Variants in SLIT3 observed in about 807,000 individuals in gnomAD.
SLIT3 encodes the protein slit guidance ligand 3.
A neutral mutation model predicts 184.0 loss-of-function variants in SLIT3; 68 were observed. The ratio of observed to expected loss-of-function variants is 0.37; its 90% CI spans 0.30 to 0.45. SLIT3 has a LOEUF of 0.45. SLIT3 is among the 20% of genes least tolerant of loss of function. The pLI, the probability that SLIT3 is intolerant of heterozygous loss-of-function variation, is 1.00. For missense variants in SLIT3, 1,707 were observed against 2,026.0 expected (o/e 0.84, Z 3.02); for synonymous variants, 831 against 828.6 (o/e 1.00, Z -0.05).
chr5:169,011,559 T>C (rs1455121684), intron 4 of SLIT3, among the ~76,000 whole-genome samples: 2 of 152,116 alleles, frequency 1.3e-5, no homozygotes, highest in African/African-American at 2.4e-5. Context: ...CAGAGGTCCC[T>C]TGTAGACCCC....
chr5:168,748,207 G>T (rs568714317), intron 20 of SLIT3, 95 bp downstream of exon 20: 7 of 1,359,900 alleles, frequency 5.1e-6, no homozygotes, highest in Non-Finnish European at 6.7e-6. Flanking sequence ...CGGCAGTTTC[G>T]CCATGTTGCC....
At chr5:168,680,032 C>T (rs935467861) in intron 32 of SLIT3, among the ~76,000 whole-genome samples, 2 of 152,244 alleles carry the variant, frequency 1.3e-5, no homozygotes, top group Non-Finnish European at 2.9e-5. Context: ...AGATATCTCA[C>T]ATAGAAACCC....
intron 4 of SLIT3, among the ~76,000 whole-genome samples, chr5:169,072,087 G>A (rs1758571767): frequency 6.6e-6 from 1 of 152,122 alleles, no homozygotes; most frequent in South Asian, 2.1e-4. Flanking sequence ...AAACCAGTTA[G>A]GGGGAGAGGA....
intron 4 of SLIT3, among the ~76,000 whole-genome samples, chr5:168,902,801 G>A (rs1760916197): frequency 6.6e-6 from 1 of 152,202 alleles, no homozygotes; most frequent in Non-Finnish European, 1.5e-5. Context: ...TGAGGTGGCT[G>A]AGCACATGAC....
chr5:169,171,618 C>A, intron 4 of SLIT3, among the ~76,000 whole-genome samples: 1 of 152,212 alleles, frequency 6.6e-6, no homozygotes, highest in East Asian at 1.9e-4. Context: ...CAGATTAGAC[C>A]TCAGTCCTGA....
chr5:169,050,886 G>A (rs1428379670), intron 4 of SLIT3, among the ~76,000 whole-genome samples: 1 of 152,158 alleles, frequency 6.6e-6, no homozygotes, highest in Non-Finnish European at 1.5e-5. Flanking sequence ...GAATGAATTT[G>A]TTGGCACTAT....
rs140975551 is a variant in SLIT3 at position 169,235,794 on chromosome 5, G to C, written c.341+8911C>G. On this transcript the variant is annotated intron_variant, in intron 3 of 35. Coordinates refer to ENST00000519560, the MANE Select transcript of SLIT3 (RefSeq NM_003062.4). Reference sequence around the variant, plus strand: ...GTTTTTCACTTAAGACTGAGATGATGGGTTTCGGGGAGGAAGATCACAGAT... The same window carrying C: ...GTTTTTCACTTAAGACTGAGATGATCGGTTTCGGGGAGGAAGATCACAGAT... Among the ~76,000 whole-genome samples the C allele has an allele frequency of 7.4e-3, 1,129 of 152,286 alleles. 22 individuals carry two copies. Among genetic ancestry groups the C allele is most frequent in the African/African-American group, 0.026 (1,061 of 41,558 alleles).
intron 4 of SLIT3, among the ~76,000 whole-genome samples, chr5:169,089,865 G>A (rs375750728): frequency 6.6e-6 from 1 of 152,196 alleles, no homozygotes; most frequent in African/African-American, 2.4e-5. Context: ...GGCTGTGTGT[G>A]TGGCTGACCA....
intron 4 of SLIT3, among the ~76,000 whole-genome samples, chr5:169,101,685 C>A (rs1316315051): frequency 6.6e-6 from 1 of 152,148 alleles, no homozygotes; most frequent in Non-Finnish European, 1.5e-5. Context: ...GAAAAATGAT[C>A]CTTAATGATC....
At chr5:168,918,087 C>T (rs1294911461) in intron 4 of SLIT3, among the ~76,000 whole-genome samples, 1 of 151,424 alleles carries the variant, frequency 6.6e-6, no homozygotes, top group Non-Finnish European at 1.5e-5. Context: ...CTCCCTCTCC[C>T]TTTTTTTTTC....
chr5:168,868,430 A>G (rs59937048), intron 5 of SLIT3, among the ~76,000 whole-genome samples: 35,449 of 152,106 alleles, frequency 0.23, 4,294 homozygotes, highest in East Asian at 0.28. Flanking sequence ...AGCTGGAACT[A>G]TAGGTTCATT....
At chr5:168,714,128 TTCACGATAGCTTC>T (rs1371816309) in intron 23 of SLIT3, among the ~76,000 whole-genome samples, 1 of 152,210 alleles carries the variant, frequency 6.6e-6, no homozygotes, top group Non-Finnish European at 1.5e-5. Context: ...ATCTAGAGTG[TTCACGATAGCTTC>T]TCACCTCCCC....
intron 3 of SLIT3, among the ~76,000 whole-genome samples, chr5:169,199,099 G>A (rs1209716590): frequency 2.0e-5 from 3 of 152,026 alleles, no homozygotes; most frequent in Non-Finnish European, 4.4e-5. Context: ...ATCGGAAGCA[G>A]GAAAACCAGT....
intron 4 of SLIT3, among the ~76,000 whole-genome samples, chr5:169,043,643 T>C (rs747862892): frequency 2.6e-4 from 40 of 152,244 alleles, no homozygotes; most frequent in Non-Finnish European, 5.9e-4. Flanking sequence ...GATTATGCTC[T>C]GATTTTAATT....
At chr5:169,213,918 G>T (rs1450821082) in intron 3 of SLIT3, among the ~76,000 whole-genome samples, 2 of 152,226 alleles carry the variant, frequency 1.3e-5, no homozygotes, top group African/African-American at 4.8e-5. Context: ...GAAGGAGAAA[G>T]AGGTGTGGAA....
intron 12 of SLIT3, 74 bp downstream of exon 12, chr5:168,785,833 C>T: frequency 9.2e-7 from 1 of 1,088,698 alleles, no homozygotes; most frequent in South Asian, 1.3e-5. Context: ...CTCTCCAGAG[C>T]ATGGCTCAAC....
chr5:168,877,863 T>TA (rs5873130), intron 5 of SLIT3, among the ~76,000 whole-genome samples: 48,115 of 151,164 alleles, frequency 0.32, 8,084 homozygotes, highest in Non-Finnish European at 0.37. Context: ...AGGGGACATT[T>TA]AAAAAAAAAC....
rs1471208627 is a variant in SLIT3, at chr5:168,700,688, C to A, written c.2845-9G>T. On this transcript the variant is annotated splice_polypyrimidine_tract_variant and intron_variant, in intron 26 of 35. Transcript: ENST00000519560. Reference sequence around the variant, plus strand: ...ACAGTGCAGTCCTTGCCCTGAGGAGCAAAAGAGGGAGAAGCACCTGGTTAG... The same window carrying A: ...ACAGTGCAGTCCTTGCCCTGAGGAGAAAAAGAGGGAGAAGCACCTGGTTAG... The A allele has an allele frequency of 8.7e-6, 14 of 1,611,120 alleles. No homozygotes were observed. Among genetic ancestry groups the A allele is most frequent in the Non-Finnish European group, 1.1e-5 (13 of 1,177,688 alleles).
Position 168,883,256 on chromosome 5 carries a change from A to G in SLIT3, c.485+9T>C, listed in dbSNP as rs1442182032. The stretch of plus-strand genomic sequence containing the variant: ...ACATACGTAGTGAAGCAAGGAAAAC[A>G]TCACTTACAGGTTCTTCACATCGGT... On this transcript the variant is annotated intron_variant, in intron 5 of 35. Coordinates refer to ENST00000519560, the MANE Select transcript of SLIT3 (RefSeq NM_003062.4). The G allele has an allele frequency of 6.2e-7, 1 of 1,612,326 alleles. No individual in the cohort carries two copies. Among genetic ancestry groups the G allele is most frequent in the East Asian group, 2.2e-5 (1 of 44,868 alleles).
Sources: gnomAD v4.1 joint callset for allele counts (sites outside exome capture counted in the v4.1 genomes callset) on GRCh38, gnomAD v4.1.1 for gene constraint, MANE v1.5 for transcripts, NCBI Gene and HGNC (gene_info 2026-07-23, HGNC 2026-07-21) for gene names.